Variants in MAF observed in about 807,000 individuals in gnomAD.
MAF encodes the protein MAF bZIP transcription factor.
Under a neutral mutation model 22.0 loss-of-function variants are expected in MAF, and 10 were observed. That is an observed-to-expected ratio of 0.45 (90% CI 0.28 to 0.77). The LOEUF is 0.77. Among genes scored for constraint, MAF ranks in the 30% least tolerant of loss-of-function variants. The probability of loss-of-function intolerance (pLI) is 0.12; values close to 1 mark genes in which losing one functional copy is unlikely to be tolerated. For missense variants in MAF, 544 were observed against 548.4 expected (o/e 0.99, Z 0.08); for synonymous variants, 337 against 255.8 (o/e 1.32, Z -3.03).
At chr16:79,575,825 T>A in the MAF span, among the ~76,000 whole-genome samples, 2 of 152,168 alleles carry the variant, frequency 1.3e-5, no homozygotes. Context: ...ATCCAAAGAA[T>A]CCCTGGCCAA....
At chr16:79,457,492 T>G in the MAF span, among the ~76,000 whole-genome samples, 8 of 148,780 alleles carry the variant, frequency 5.4e-5, no homozygotes, top group African/African-American at 1.7e-4. Flanking sequence ...TACTGAAAAA[T>G]GTCAGTATTT....
At chr16:79,566,064 A>G in the MAF span, among the ~76,000 whole-genome samples, 4 of 152,166 alleles carry the variant, frequency 2.6e-5, no homozygotes, top group African/African-American at 9.7e-5. Context: ...TGTGTATTAA[A>G]AACAAACAAA....
the MAF span, among the ~76,000 whole-genome samples, chr16:79,444,970 T>G: frequency 6.6e-6 from 1 of 152,128 alleles, no homozygotes; most frequent in Non-Finnish European, 1.5e-5. Flanking sequence ...TGGAGTTCAG[T>G]TTCTGGCAAA....
chr16:79,405,764 C>A, the MAF span, among the ~76,000 whole-genome samples: 1 of 152,128 alleles, frequency 6.6e-6, no homozygotes, highest in Admixed American at 6.5e-5. Flanking sequence ...CTTGCATTAT[C>A]TTATTTAGTC....
At chr16:79,210,690 C>G in the MAF span, among the ~76,000 whole-genome samples, 1 of 152,096 alleles carries the variant, frequency 6.6e-6, no homozygotes, top group Non-Finnish European at 1.5e-5. Flanking sequence ...ATGTCTCCCT[C>G]TGAACAGCAG....
the MAF span, among the ~76,000 whole-genome samples, chr16:79,218,971 G>A: frequency 6.6e-6 from 1 of 152,164 alleles, no homozygotes; most frequent in African/African-American, 2.4e-5. Flanking sequence ...CCACTAGCCA[G>A]GATTCCTTAG....
the MAF span, among the ~76,000 whole-genome samples, chr16:79,503,985 C>T: frequency 1.3e-5 from 2 of 152,174 alleles, no homozygotes; most frequent in Non-Finnish European, 2.9e-5. Flanking sequence ...TTAACTGTTA[C>T]ATTGCAGGGG....
chr16:79,598,416 T>C (rs998129526), intron 1 of MAF: 42 of 1,199,952 alleles, frequency 3.5e-5, no homozygotes, highest in East Asian at 8.2e-5. Context: ...GCTGAGATCA[T>C]TGAACATTGT....
the MAF span, among the ~76,000 whole-genome samples, chr16:79,554,779 G>A: frequency 1.3e-5 from 2 of 152,122 alleles, no homozygotes; most frequent in Admixed American, 1.3e-4. Context: ...TTTGAAAATT[G>A]TATGGGCATC....
the MAF span, among the ~76,000 whole-genome samples, chr16:79,519,883 C>T: frequency 6.6e-6 from 1 of 152,222 alleles, no homozygotes; most frequent in Non-Finnish European, 1.5e-5. Context: ...GCCCATCCTG[C>T]CTTGGCCCTC....
the MAF span, among the ~76,000 whole-genome samples, chr16:79,230,551 C>T: frequency 6.6e-6 from 1 of 152,234 alleles, no homozygotes; most frequent in East Asian, 1.9e-4. Flanking sequence ...AAACGTGGGT[C>T]GAATCCTGGT....
chr16:79,454,738 T>C, the MAF span, among the ~76,000 whole-genome samples: 1 of 152,166 alleles, frequency 6.6e-6, no homozygotes, highest in Non-Finnish European at 1.5e-5. Flanking sequence ...CATGGTGACC[T>C]GGAGAGGCTG....
chr16:79,485,494 T>C, the MAF span, among the ~76,000 whole-genome samples: 2 of 152,192 alleles, frequency 1.3e-5, no homozygotes, highest in Non-Finnish European at 2.9e-5. Context: ...GTTTTATCAT[T>C]CTGATAACCG....
At chr16:79,500,277 A>T in the MAF span, among the ~76,000 whole-genome samples, 2 of 152,260 alleles carry the variant, frequency 1.3e-5, no homozygotes, top group Non-Finnish European at 2.9e-5. Flanking sequence ...AGAAAGGAAC[A>T]GTGAACAATA....
At chr16:79,490,124 A>C in the MAF span, among the ~76,000 whole-genome samples, 1 of 152,198 alleles carries the variant, frequency 6.6e-6, no homozygotes, top group Non-Finnish European at 1.5e-5. Flanking sequence ...AATCAAAAGC[A>C]GATAGAGTGA....
the MAF span, among the ~76,000 whole-genome samples, chr16:79,434,303 C>T: frequency 2.0e-5 from 3 of 152,164 alleles, no homozygotes; most frequent in African/African-American, 4.8e-5. Context: ...CACACGGTGA[C>T]GTGCTTATAA....
At chr16:79,324,476 G>A in the MAF span, among the ~76,000 whole-genome samples, 1 of 152,134 alleles carries the variant, frequency 6.6e-6, no homozygotes, top group African/African-American at 2.4e-5. Flanking sequence ...GGTATTAGCA[G>A]GGGGCCCTAG....
At chr16:79,332,322 A>G in the MAF span, among the ~76,000 whole-genome samples, 10 of 151,844 alleles carry the variant, frequency 6.6e-5, no homozygotes, top group Admixed American at 6.6e-4. Context: ...TTTTCTTGAG[A>G]TGGAGTCTTG....
the MAF span, among the ~76,000 whole-genome samples, chr16:79,259,520 A>C: frequency 6.6e-6 from 1 of 152,176 alleles, no homozygotes; most frequent in South Asian, 2.1e-4. Context: ...CTTGTCCTTC[A>C]TGGCCACACA....
Sources: allele counts gnomAD v4.1 joint callset (sites outside exome capture counted in the v4.1 genomes callset), GRCh38; gene constraint gnomAD v4.1.1; transcripts MANE v1.5; gene names NCBI Gene and HGNC (gene_info 2026-07-23, HGNC 2026-07-21).